TMPRSS15: variants seen among roughly 807,000 people sequenced by gnomAD.
The protein encoded by TMPRSS15 is transmembrane serine protease 15.
Under a neutral mutation model 125.3 loss-of-function variants are expected in TMPRSS15, and 128 were observed. That is an observed-to-expected ratio of 1.02 (90% confidence interval 0.89 to 1.18). The LOEUF (loss-of-function observed/expected upper bound fraction) is 1.18. Ranked by LOEUF, TMPRSS15 falls within the 50% of genes most tolerant of loss-of-function variation. The pLI, the probability that TMPRSS15 is intolerant of heterozygous loss-of-function variation, is 0.00. For synonymous variants in TMPRSS15, 446 were observed against 423.2 expected, an observed-to-expected ratio of 1.05 and a Z score of -0.66; for missense variants, 1,283 against 1,212.7, an observed-to-expected ratio of 1.06 and a Z score of -0.86.
At chr21:18,382,950 ATTAT>A (rs1160675927) in intron 4 of TMPRSS15, among the ~76,000 whole-genome samples, 1 of 152,100 alleles carries the variant, frequency 6.6e-6, no homozygotes. Flanking sequence ...TTATGTTAAA[ATTAT>A]TTATCATTTT....
At chr21:18,366,641 T>A (rs1474959955) in intron 6 of TMPRSS15, among the ~76,000 whole-genome samples, 1 of 152,188 alleles carries the variant, frequency 6.6e-6, no homozygotes, top group Non-Finnish European at 1.5e-5. Flanking sequence ...ACTTTTAGTC[T>A]TTCTTACATT....
At chr21:18,421,833 A>G (rs1274159544) in intron 1 of TMPRSS15, among the ~76,000 whole-genome samples, 2 of 152,216 alleles carry the variant, frequency 1.3e-5, no homozygotes, top group Non-Finnish European at 1.5e-5. Context: ...TATCTTCTAT[A>G]ACTTCAACAT....
At chr21:18,342,198 T>C (rs1305442040) in intron 12 of TMPRSS15, among the ~76,000 whole-genome samples, 1 of 152,216 alleles carries the variant, frequency 6.6e-6, no homozygotes, top group Non-Finnish European at 1.5e-5. Context: ...ATTTTAGCTG[T>C]ACTTTCCTGG....
In TMPRSS15 at chr21:18,341,562, AG is replaced by A; in HGVS notation, c.1429-15del. On this transcript the variant is annotated splice_polypyrimidine_tract_variant and intron_variant, in intron 12 of 24. Transcript: ENST00000284885. The stretch of plus-strand genomic sequence containing the variant: ...ATTAAAAGCAACCTGCAATTCAGAG[AG>A]GCATATGAAACGATTTGATTCCATT... 1.2e-6 allele frequency: 2 copies of A among 1,613,860 alleles called. No individual in the cohort carries two copies. Among genetic ancestry groups the A allele is most frequent in the Non-Finnish European group, 1.7e-6 (2 of 1,179,808 alleles).
At position 18,346,709 on chromosome 21, in the gene TMPRSS15, T is replaced by C. The variant is rs1321999504; in HGVS notation, c.1172-2649A>G. On this transcript the variant is annotated intron_variant, in intron 10 of 24. Transcript: ENST00000284885. ...AGAAACATCCCAACGCATGGAACTA[T>C]TACTGAAGACAGACCATCATTGTCA... Among the ~76,000 whole-genome samples the C allele has an allele frequency of 3.9e-5, 6 of 152,312 alleles. No individual in the cohort carries two copies. The East Asian group carries it at 9.7e-4, about 25-fold the overall frequency.
rs188028793 is a variant in TMPRSS15 at position 18,475,461 on chromosome 21, G to A, written c.10+10338C>T. Among the ~76,000 whole-genome samples the A allele has an allele frequency of 3.4e-4, 52 of 152,048 alleles. No homozygotes were observed. The East Asian group carries it at 6.2e-3, about 18-fold the overall frequency. The stretch of plus-strand genomic sequence containing the variant: ...ACGAAAATTAGCCAGGTGTGGTGTC[G>A]CGGGCCTGTAGTCCCAGCTACTCAG... On this transcript the variant is annotated intron_variant, in intron 1 of 7. Coordinates refer to the TMPRSS15 transcript ENST00000422787.
chr21:18,353,600 G>A (rs758626085), intron 9 of TMPRSS15, 123 bp downstream of exon 9: 37 of 786,356 alleles, frequency 4.7e-5, no homozygotes, highest in Non-Finnish European at 7.4e-5. Flanking sequence ...AGAGAAAGAT[G>A]CACATACAAG....
At chr21:18,421,846 A>G (rs1268192725) in intron 1 of TMPRSS15, among the ~76,000 whole-genome samples, 1 of 152,166 alleles carries the variant, frequency 6.6e-6, no homozygotes, top group Non-Finnish European at 1.5e-5. Flanking sequence ...TTCAACATTC[A>G]CTGCTCTGAG....
At chr21:18,376,155 A>T (rs1298722095) in intron 5 of TMPRSS15, among the ~76,000 whole-genome samples, 1 of 151,950 alleles carries the variant, frequency 6.6e-6, no homozygotes, top group Non-Finnish European at 1.5e-5. Flanking sequence ...TGGAAAATAG[A>T]TATCACCTTA....
intron 1 of TMPRSS15, among the ~76,000 whole-genome samples, chr21:18,464,273 G>A (rs1978611964): frequency 6.6e-6 from 1 of 150,982 alleles, no homozygotes; most frequent in Admixed American, 6.6e-5. Flanking sequence ...TGTTTAGAGA[G>A]AAATTTATAG....
chr21:18,406,977 A>G (rs888589455), upstream of TMPRSS15, among the ~76,000 whole-genome samples: 2 of 152,206 alleles, frequency 1.3e-5, no homozygotes, highest in Non-Finnish European at 2.9e-5. Flanking sequence ...CTAAAGTTGT[A>G]TGTACTAAAC....
At chr21:18,309,565 A>G (rs1384565256) in intron 18 of TMPRSS15, among the ~76,000 whole-genome samples, 8 of 151,992 alleles carry the variant, frequency 5.3e-5, no homozygotes, top group Non-Finnish European at 8.8e-5. Flanking sequence ...ACAAGAAAAA[A>G]ACAAACAAAT....
rs578015290 is a variant in TMPRSS15, at chr21:18,336,748, C to T, written c.1565-4575G>A. Among the ~76,000 whole-genome samples the T allele has an allele frequency of 6.6e-5, 10 of 152,272 alleles. No homozygotes were observed. The South Asian group carries it at 1.9e-3, about 28-fold the overall frequency. ...TTCACAAGCATGATCGTAGTGCACCCGAGCCTTGAACTCCTGGCTTCAAAG... is the reference window on the plus strand; with the variant it reads ...TTCACAAGCATGATCGTAGTGCACCTGAGCCTTGAACTCCTGGCTTCAAAG... On this transcript the variant is annotated intron_variant, in intron 13 of 24. Coordinates refer to ENST00000284885, the MANE Select transcript of TMPRSS15 (RefSeq NM_002772.3).
intron 16 of TMPRSS15, among the ~76,000 whole-genome samples, chr21:18,324,465 T>A (rs904216787): frequency 2.0e-5 from 3 of 152,170 alleles, no homozygotes; most frequent in Non-Finnish European, 4.4e-5. Flanking sequence ...AAAGATTTTA[T>A]TATGGCAGAG....
intron 1 of TMPRSS15, among the ~76,000 whole-genome samples, chr21:18,441,606 CAAA>C (rs201137705): frequency 0.014 from 1,397 of 98,508 alleles, 36 homozygotes; most frequent in African/African-American, 0.06. Flanking sequence ...GACTCCATCT[CAAA>C]AAAAAAAAAA....
intron 17 of TMPRSS15, among the ~76,000 whole-genome samples, chr21:18,314,430 C>G (rs1569001351): frequency 4.6e-5 from 7 of 152,132 alleles, no homozygotes. Context: ...AGGCACCCAC[C>G]ACCACGCCTG....
intron 14 of TMPRSS15, 131 bp from the exon 15 acceptor site, chr21:18,329,425 T>A: frequency 2.3e-6 from 2 of 860,394 alleles, no homozygotes; most frequent in Non-Finnish European, 3.4e-6. Context: ...AATCAGTGTT[T>A]CAAGGTGTTT....
At chr21:18,359,650 G>T in intron 8 of TMPRSS15, 107 bp downstream of exon 8, 2 of 565,848 alleles carry the variant, frequency 3.5e-6, no homozygotes, top group South Asian at 2.1e-5. Flanking sequence ...AGTTTTATAA[G>T]TTTCAAGTCC....
In TMPRSS15 at chr21:18,353,993, A is replaced by G. The variant is rs1481311977; in HGVS notation, c.881-130T>C. ...TACAAATATCTATCTGATACCACTTAGTTAACTAAAAGCATTAGTCTTACA... is the reference window on the plus strand; with the variant it reads ...TACAAATATCTATCTGATACCACTTGGTTAACTAAAAGCATTAGTCTTACA... On this transcript the variant is annotated intron_variant, in intron 8 of 24. Transcript: ENST00000284885. 29 of 760,988 alleles carry G rather than the reference A, an allele frequency of 3.8e-5. No individual in the cohort carries two copies. The East Asian group carries it at 7.2e-4, about 19-fold the overall frequency. The allele number at this position is 760,988 out of a possible 1,614,324, so 47.1% of individuals were successfully genotyped here. A position where few individuals can be genotyped will look rare whatever the true frequency, so the allele number is the denominator to read the frequency against.
Sources: gnomAD v4.1 joint callset for allele counts (sites outside exome capture counted in the v4.1 genomes callset) on GRCh38, gnomAD v4.1.1 for gene constraint, MANE v1.5 for transcripts, NCBI Gene and HGNC (gene_info 2026-07-23, HGNC 2026-07-21) for gene names.